ERCC6L2: variants seen among roughly 807,000 people sequenced by gnomAD.
ERCC6L2 encodes DNA excision repair protein ERCC-6-like 2.
ERCC6L2 carries 77 observed loss-of-function variants against 132.0 expected under a neutral mutation model. The observed-to-expected ratio is 0.58, with a 90% CI of 0.49 to 0.71. ERCC6L2 has a LOEUF of 0.71. ERCC6L2 is among the 30% of genes least tolerant of loss of function. The pLI, the probability that ERCC6L2 is intolerant of heterozygous loss-of-function variation, is 0.00. For missense variants in ERCC6L2, 1,542 were observed against 1,837.6 expected (o/e 0.84, Z 2.94); for synonymous variants, 583 against 632.4 (o/e 0.92, Z 1.17).
chr9:96,028,176 C>G (rs926763074), intron 19 of ERCC6L2, among the ~76,000 whole-genome samples: 4 of 151,090 alleles, frequency 2.6e-5, no homozygotes, highest in African/African-American at 9.7e-5. Context: ...TTCCTATTTT[C>G]CAGAAAAAAA....
intron 20 of ERCC6L2, among the ~76,000 whole-genome samples, chr9:96,040,834 G>A (rs1296427979): frequency 6.6e-6 from 1 of 152,228 alleles, no homozygotes; most frequent in African/African-American, 2.4e-5. Flanking sequence ...TTATCCCTTT[G>A]CTTTTGTAGT....
intron 2 of ERCC6L2, among the ~76,000 whole-genome samples, chr9:95,896,128 G>C (rs955997767): frequency 6.6e-6 from 1 of 151,940 alleles, no homozygotes; most frequent in Non-Finnish European, 1.5e-5. Context: ...ATCTTTCCCT[G>C]TGTCACCGAT....
chr9:95,955,405 T>G (rs930870802), intron 12 of ERCC6L2, among the ~76,000 whole-genome samples: 7 of 152,034 alleles, frequency 4.6e-5, no homozygotes, highest in African/African-American at 1.7e-4. Context: ...TTGACTTATG[T>G]ACATGTAAAA....
chr9:95,890,236 G>C (rs1349247149), intron 2 of ERCC6L2, among the ~76,000 whole-genome samples: 4 of 152,114 alleles, frequency 2.6e-5, no homozygotes, highest in African/African-American at 9.7e-5. Context: ...TTTATTGAAT[G>C]TGTTAGTGAA....
At chr9:95,909,609 A>T (rs541032356) in intron 4 of ERCC6L2, among the ~76,000 whole-genome samples, 2 of 152,212 alleles carry the variant, frequency 1.3e-5, no homozygotes, top group Middle Eastern at 3.4e-3. Flanking sequence ...TTTGAGATTC[A>T]TTCATGTTGA....
intron 1 of ERCC6L2, among the ~76,000 whole-genome samples, chr9:95,878,156 G>A (rs1827389246): frequency 6.6e-6 from 1 of 152,186 alleles, no homozygotes; most frequent in Admixed American, 6.5e-5. Context: ...GCTAAAACTG[G>A]TCTGACACTT....
At chr9:95,928,688 A>C (rs1309814406) in intron 10 of ERCC6L2, 31 bp from the exon 11 acceptor site, 2 of 1,568,628 alleles carry the variant, frequency 1.3e-6, no homozygotes, top group African/African-American at 2.8e-5. Context: ...ACCAAGATTC[A>C]TGTTTGCCCA....
chr9:95,876,881 T>C (rs777352994), intron 1 of ERCC6L2: 1 of 152,186 alleles, frequency 6.6e-6, no homozygotes, highest in African/African-American at 2.4e-5. Flanking sequence ...ACCAAACATA[T>C]AAATACCTAT....
chr9:95,892,598 T>G (rs1038286590), intron 2 of ERCC6L2, among the ~76,000 whole-genome samples: 4 of 151,996 alleles, frequency 2.6e-5, no homozygotes, highest in Non-Finnish European at 5.9e-5. Flanking sequence ...AATTTTTGTA[T>G]TTTTAGTAGA....
chr9:95,969,983 A>G (rs1290369927), intron 14 of ERCC6L2, among the ~76,000 whole-genome samples: 2 of 152,162 alleles, frequency 1.3e-5, no homozygotes, highest in Admixed American at 1.3e-4. Flanking sequence ...GCTAAATGAT[A>G]CACCAGAAGC....
intron 2 of ERCC6L2, among the ~76,000 whole-genome samples, chr9:95,892,807 G>A (rs927938170): frequency 4.6e-5 from 7 of 152,232 alleles, no homozygotes; most frequent in African/African-American, 1.7e-4. Flanking sequence ...CTTTGTGATT[G>A]TTATATCTTC....
chr9:95,878,663 C>A (rs913838169), intron 1 of ERCC6L2, among the ~76,000 whole-genome samples: 5 of 150,236 alleles, frequency 3.3e-5, no homozygotes, highest in African/African-American at 1.2e-4. Flanking sequence ...CCCTTCCCCC[C>A]ACCCCACAAC....
At chr9:95,959,503 T>C (rs1395825059) in intron 13 of ERCC6L2, among the ~76,000 whole-genome samples, 1 of 151,784 alleles carries the variant, frequency 6.6e-6, no homozygotes, top group Non-Finnish European at 1.5e-5. Flanking sequence ...CCAAAAGCAA[T>C]GGCAACAAAA....
rs775303527 is a variant in ERCC6L2, at chr9:96,013,054, CTG to C, written c.4509_4510del (p.Cys1503Ter). ...CACAGACTTGGCAGTAATAGAGACT[CTG>C]TGTGAAAAAGCACCTCTAGCAGCAC... ...KLTDLAVIET[L>X]CEKAPLAAPF... On this transcript the variant is annotated frameshift_variant, in exon 19 of 19. Coordinates refer to ENST00000653738, the MANE Select transcript of ERCC6L2 (RefSeq NM_020207.7). LOFTEE classifies it low-confidence loss of function (END_TRUNC). 3.6e-5 allele frequency: 49 copies of C among 1,367,504 alleles called. No individual in the cohort carries two copies. Among genetic ancestry groups the C allele is most frequent in the Non-Finnish European group, 4.8e-5 (49 of 1,021,860 alleles). 84.7% of individuals were successfully genotyped at this position (1,367,504 alleles called of 1,614,324 possible).
At chr9:96,019,884 C>T (rs565049335), downstream of ERCC6L2, 15 of 152,272 alleles carry the variant, frequency 9.9e-5, no homozygotes, top group African/African-American at 3.6e-4. Flanking sequence ...GGGGAAAGCC[C>T]TTTATAAAAG....
At position 95,921,136 on chromosome 9, in the gene ERCC6L2, A is replaced by G. The variant is rs373230343; in HGVS notation, c.1159-39A>G. The G allele has an allele frequency of 1.7e-5, 27 of 1,553,666 alleles. No individual in the cohort carries two copies. The African/African-American group carries it at 3.2e-4, about 18-fold the overall frequency. On this transcript the variant is annotated intron_variant, in intron 6 of 18. Coordinates refer to ENST00000653738, the MANE Select transcript of ERCC6L2 (RefSeq NM_020207.7). ...ATTATGATTTTTATTATTGTTATAA[A>G]CAAAATACTAATAACTACCTTGTAT...
At position 95,966,551 on chromosome 9, in the gene ERCC6L2, TTC is replaced by T. The variant is rs1832166659; in HGVS notation, c.1948-9_1948-8del. The T allele has an allele frequency of 6.9e-7, 1 of 1,450,738 alleles. No homozygotes were observed. Among genetic ancestry groups the T allele is most frequent in the African/African-American group, 1.4e-5 (1 of 70,786 alleles). The allele number at this position is 1,450,738 out of a possible 1,614,324, so 89.9% of individuals were successfully genotyped here. The stretch of plus-strand genomic sequence containing the variant: ...ACACTTCAAAAATGTCTTGTGTTTT[TTC>T]TGTTTTAGCAACTTCACTGTGTGGT... On this transcript the variant is annotated splice_polypyrimidine_tract_variant and intron_variant, in intron 13 of 18. Transcript: ENST00000653738.
intron 2 of ERCC6L2, among the ~76,000 whole-genome samples, chr9:95,887,724 G>A (rs1827949717): frequency 6.6e-6 from 1 of 152,076 alleles, no homozygotes; most frequent in Admixed American, 6.5e-5. Flanking sequence ...GGTTTCTTAG[G>A]TTATTTTCAG....
At chr9:95,937,036 T>A (rs575707687) in intron 11 of ERCC6L2, among the ~76,000 whole-genome samples, 1 of 152,214 alleles carries the variant, frequency 6.6e-6, no homozygotes, top group Non-Finnish European at 1.5e-5. Flanking sequence ...TTGAAGGGCA[T>A]CTGGGTTGTT....
Sources: allele counts gnomAD v4.1 joint callset (sites outside exome capture counted in the v4.1 genomes callset), GRCh38; gene constraint gnomAD v4.1.1; transcripts MANE v1.5; gene names NCBI Gene and HGNC (gene_info 2026-07-23, HGNC 2026-07-21).